ITFG1: variants seen among roughly 807,000 people sequenced by gnomAD.
ITFG1 encodes the protein integrin alpha FG-GAP repeat containing 1.
In ITFG1, 34 loss-of-function variants were observed where a neutral mutation model predicts 81.8. The observed-to-expected ratio is 0.42, with a 90% CI of 0.32 to 0.55. ITFG1 has a LOEUF of 0.55. Among genes scored for constraint, ITFG1 ranks in the 20% least tolerant of loss-of-function variants. ITFG1 has a pLI of 0.17. For synonymous variants in ITFG1, 285 were observed against 270.6 expected (o/e 1.05, Z -0.52); for missense variants, 672 against 755.4 (o/e 0.89, Z 1.29).
chr16:47,362,349 T>C (rs1053002605), intron 8 of ITFG1, among the ~76,000 whole-genome samples: 1 of 152,208 alleles, frequency 6.6e-6, no homozygotes, highest in Non-Finnish European at 1.5e-5. Context: ...TCCTACTGCA[T>C]GCTCAAGAAG....
At chr16:47,405,101 C>T (rs143193003) in intron 6 of ITFG1, among the ~76,000 whole-genome samples, 1 of 152,072 alleles carries the variant, frequency 6.6e-6, no homozygotes, top group African/African-American at 2.4e-5. Context: ...ATGACATCAT[C>T]TGATGAAAAG....
chr16:47,333,769 T>C (rs1967666662), intron 8 of ITFG1, among the ~76,000 whole-genome samples: 1 of 152,208 alleles, frequency 6.6e-6, no homozygotes, highest in African/African-American at 2.4e-5. Context: ...ACCCGTTTCG[T>C]GCTTTAAGGA....
In ITFG1 at chr16:47,260,582, T is replaced by A; in HGVS notation, c.1184A>T (p.Asp395Val). The A allele has an allele frequency of 6.2e-7, 1 of 1,614,184 alleles. No homozygotes were observed. The highest frequency in any genetic ancestry group is 8.5e-7 in the Non-Finnish European group (1 of 1,180,000). ...WELTDLNQIK[D>V]AMVATFFDIY... ...GTCAAAGAAGGTGGCAACCATGGCA[T>A]CCTTAATTTGATTTAGGTCTGTCAG... Residue 395 changes from aspartate (D) to valine (V), a missense_variant, in exon 11 of 18, where the codon GAT (aspartate) becomes GTT (valine). Coordinates refer to ENST00000320640, the MANE Select transcript of ITFG1 (RefSeq NM_030790.5).
At chr16:47,328,960 C>T (rs539934925) in intron 8 of ITFG1, among the ~76,000 whole-genome samples, 4 of 152,210 alleles carry the variant, frequency 2.6e-5, no homozygotes, top group East Asian at 1.9e-4. Flanking sequence ...CTAGTCTCTT[C>T]GTCAGTACGA....
chr16:47,404,401 T>C (rs1968702089), intron 6 of ITFG1, among the ~76,000 whole-genome samples: 1 of 152,188 alleles, frequency 6.6e-6, no homozygotes, highest in Admixed American at 6.5e-5. Flanking sequence ...CAAAATAGTA[T>C]AGGGCCCCCT....
At chr16:47,167,868 C>A (rs1452650418) in intron 14 of ITFG1, among the ~76,000 whole-genome samples, 2 of 152,166 alleles carry the variant, frequency 1.3e-5, no homozygotes, top group African/African-American at 4.8e-5. Context: ...CTATTATGAA[C>A]TATTTGGCTA....
chr16:47,170,671 C>T (rs1964947291), intron 14 of ITFG1, among the ~76,000 whole-genome samples: 1 of 150,644 alleles, frequency 6.6e-6, no homozygotes, highest in Non-Finnish European at 1.5e-5. Flanking sequence ...CTTAGGTGAT[C>T]TGCGCCTGCC....
chr16:47,223,778 C>T (rs913613308), intron 13 of ITFG1, among the ~76,000 whole-genome samples: 21 of 152,154 alleles, frequency 1.4e-4, no homozygotes, highest in South Asian at 4.1e-4. Context: ...ATGTTTATTG[C>T]GGCACTATTT....
At chr16:47,163,914 T>TAC (rs56117889) in intron 14 of ITFG1, among the ~76,000 whole-genome samples, 2,785 of 139,394 alleles carry the variant, frequency 0.02, 59 homozygotes, top group African/African-American at 0.046. Context: ...GAAGCTCAAC[T>TAC]ACACACACAC....
At chr16:47,365,758 CCTT>C in intron 8 of ITFG1, 27 bp downstream of exon 8, 1 of 1,098,034 alleles carries the variant, frequency 9.1e-7, no homozygotes, top group African/African-American at 1.6e-5. Context: ...AAGGCAAAAG[CCTT>C]TTTTTTTTTT....
intron 8 of ITFG1, among the ~76,000 whole-genome samples, chr16:47,346,631 A>G (rs955252925): frequency 3.3e-5 from 5 of 152,226 alleles, no homozygotes; most frequent in Admixed American, 6.5e-5. Context: ...GATTATTATG[A>G]ACAACTATAT....
At chr16:47,364,068 T>C (rs1393587274) in intron 8 of ITFG1, among the ~76,000 whole-genome samples, 1 of 152,192 alleles carries the variant, frequency 6.6e-6, no homozygotes, top group African/African-American at 2.4e-5. Context: ...AATGTACACT[T>C]TTCACAGGAA....
chr16:47,243,762 C>G (rs1457482211), intron 12 of ITFG1, among the ~76,000 whole-genome samples: 1 of 152,160 alleles, frequency 6.6e-6, no homozygotes, highest in African/African-American at 2.4e-5. Flanking sequence ...ATGTGTTGGG[C>G]TGGGCATAGT....
intron 5 of ITFG1, among the ~76,000 whole-genome samples, chr16:47,444,827 A>C (rs537001662): frequency 6.6e-6 from 1 of 152,296 alleles, no homozygotes; most frequent in South Asian, 2.1e-4. Context: ...CTTCTTTCCA[A>C]TTAATGATCT....
chr16:47,249,829 T>C (rs1013429528), intron 12 of ITFG1, among the ~76,000 whole-genome samples: 6 of 152,242 alleles, frequency 3.9e-5, no homozygotes, highest in African/African-American at 1.4e-4. Context: ...ATATTAGCTA[T>C]TTCACACAAA....
At chr16:47,185,856 C>T (rs1370821220) in intron 14 of ITFG1, among the ~76,000 whole-genome samples, 2 of 152,096 alleles carry the variant, frequency 1.3e-5, no homozygotes, top group African/African-American at 2.4e-5. Flanking sequence ...AACTGATAGA[C>T]CGCTAGCAAG....
chr16:47,185,212 C>T (rs1294850443), intron 14 of ITFG1, among the ~76,000 whole-genome samples: 2 of 152,162 alleles, frequency 1.3e-5, no homozygotes, highest in Non-Finnish European at 2.9e-5. Context: ...CAACATTAGA[C>T]AGATCAGCGA....
intron 8 of ITFG1, among the ~76,000 whole-genome samples, chr16:47,344,152 T>C (rs981384636): frequency 6.6e-6 from 1 of 152,198 alleles, no homozygotes; most frequent in African/African-American, 2.4e-5. Flanking sequence ...ATTGAGTTTC[T>C]ACTTAGAGGC....
intron 10 of ITFG1, among the ~76,000 whole-genome samples, chr16:47,266,112 G>A (rs1966272044): frequency 6.6e-6 from 1 of 152,100 alleles, no homozygotes; most frequent in African/African-American, 2.4e-5. Context: ...CAGCCAATAT[G>A]CACATGAAAA....
Sources: gnomAD v4.1 joint callset for allele counts (sites outside exome capture counted in the v4.1 genomes callset) on GRCh38, gnomAD v4.1.1 for gene constraint, MANE v1.5 for transcripts, NCBI Gene and HGNC (gene_info 2026-07-23, HGNC 2026-07-21) for gene names.